The following PNLIPRP3 variants were observed in gnomAD, a reference collection of about 807,000 sequenced individuals.
PNLIPRP3 encodes pancreatic lipase-related protein 3.
In PNLIPRP3, 58 loss-of-function variants were observed where a neutral mutation model predicts 52.8. The observed-to-expected ratio is 1.10, with a 90% CI of 0.89 to 1.37. The LOEUF is 1.37. Among genes scored for constraint, PNLIPRP3 ranks in the 40% most tolerant of loss-of-function variants. PNLIPRP3 has a pLI of 0.00. For synonymous variants in PNLIPRP3, 192 were observed against 185.0 expected (o/e 1.04, Z -0.31); for missense variants, 593 against 561.6 (o/e 1.06, Z -0.57).
intron 1 of PNLIPRP3, among the ~76,000 whole-genome samples, chr10:116,429,147 G>T (rs930265556): frequency 6.9e-4 from 105 of 152,034 alleles, no homozygotes; most frequent in Non-Finnish European, 4.4e-4. Flanking sequence ...GCCACAAGCA[G>T]AATATTTCAC....
intron 4 of PNLIPRP3, 81 bp downstream of exon 4, chr10:116,444,594 T>C: frequency 7.3e-7 from 1 of 1,367,252 alleles, no homozygotes; most frequent in Non-Finnish European, 1.0e-6. Flanking sequence ...ATTTAATGTC[T>C]TTTTTTATTA....
At chr10:116,447,180 A>G (rs1234471267) in intron 4 of PNLIPRP3, among the ~76,000 whole-genome samples, 1 of 152,162 alleles carries the variant, frequency 6.6e-6, no homozygotes, top group Non-Finnish European at 1.5e-5. Flanking sequence ...GGGCTGCCTG[A>G]GAGACTGATT....
chr10:116,459,276 A>G (rs1453254925), intron 5 of PNLIPRP3, among the ~76,000 whole-genome samples: 1 of 142,726 alleles, frequency 7.0e-6, no homozygotes, highest in Non-Finnish European at 1.5e-5. Flanking sequence ...TATTAGTCAG[A>G]AAAATAAAAA....
intron 4 of PNLIPRP3, among the ~76,000 whole-genome samples, chr10:116,448,744 G>A (rs566098910): frequency 2.0e-3 from 296 of 151,506 alleles, no homozygotes; most frequent in Non-Finnish European, 3.5e-3. Flanking sequence ...GGCTGGGTGC[G>A]GTGGCCCACA....
chr10:116,443,802 CATAT>C (rs1200044232), intron 3 of PNLIPRP3, among the ~76,000 whole-genome samples: 584 of 13,016 alleles, frequency 0.045, 9 homozygotes, highest in South Asian at 0.15. Flanking sequence ...TGTGTGTGTG[CATAT>C]ATATATATAT....
chr10:116,462,301 C>A (rs973619540), intron 7 of PNLIPRP3, among the ~76,000 whole-genome samples: 1 of 149,468 alleles, frequency 6.7e-6, no homozygotes, highest in African/African-American at 2.4e-5. Context: ...AAATACATTA[C>A]CCATAATATA....
At chr10:116,454,701 T>A (rs796634803) in intron 4 of PNLIPRP3, among the ~76,000 whole-genome samples, 7 of 152,362 alleles carry the variant, frequency 4.6e-5, no homozygotes, top group African/African-American at 1.7e-4. Context: ...CTTCTTTCAC[T>A]TAGCATGTCT....
chr10:116,442,989 AGG>A, intron 2 of PNLIPRP3, 64 bp from the exon 3 acceptor site: 1 of 1,258,856 alleles, frequency 7.9e-7, no homozygotes, highest in Non-Finnish European at 1.1e-6. Context: ...GCTTTAGAAT[AGG>A]TCTACTAACT....
chr10:116,433,706 G>T (rs1314101767), intron 1 of PNLIPRP3, among the ~76,000 whole-genome samples: 6 of 151,586 alleles, frequency 4.0e-5, no homozygotes, highest in Non-Finnish European at 7.3e-5. Flanking sequence ...CCTTTGCATG[G>T]TTCCACAGTT....
At chr10:116,474,418 G>A (rs550170788) in intron 10 of PNLIPRP3, among the ~76,000 whole-genome samples, 1 of 152,284 alleles carries the variant, frequency 6.6e-6, no homozygotes, top group Non-Finnish European at 1.5e-5. Context: ...GATGCCAAAA[G>A]CAATTGCAAC....
intron 10 of PNLIPRP3, among the ~76,000 whole-genome samples, chr10:116,473,160 T>G (rs1757655976): frequency 6.6e-6 from 1 of 152,246 alleles, no homozygotes; most frequent in Admixed American, 6.5e-5. Context: ...TGCTGTTGCA[T>G]AGTTACCCAA....
Position 116,455,743 on chromosome 10 carries a change from T to G in PNLIPRP3, c.478T>G (p.Ser160Ala), listed in dbSNP as rs770299789. 6.2e-7 allele frequency: 1 copy of G among 1,613,946 alleles called. No individual in the cohort carries two copies. Among genetic ancestry groups the G allele is most frequent in the Admixed American group, 1.7e-5 (1 of 59,988 alleles). The change falls in exon 5 of 12, where the codon TCT (serine) becomes GCT (alanine). Residue 160 changes from serine (S) to alanine (A), a missense_variant. Coordinates refer to ENST00000369230, the MANE Select transcript of PNLIPRP3 (RefSeq NM_001011709.3). ...TCAGAAAAAATTTGAATATTCCCCT[T>G]CTAAAGTGCACTTGATTGGCCACAG... The part of the protein sequence containing the change: ...VLMKKFEYSP[S>A]KVHLIGHSLG...
rs141575589 is a variant in PNLIPRP3 at position 116,437,010 on chromosome 10, A to AT, written c.204+151dup. The AT allele has an allele frequency of 5.5e-3, 4,305 of 789,488 alleles. 147 individuals are homozygous for AT. In the African/African-American group the frequency reaches 0.068, roughly 12 times the overall value. 48.9% of individuals were successfully genotyped at this position (789,488 alleles called of 1,614,324 possible). On this transcript the variant is annotated intron_variant, in intron 2 of 11. Coordinates refer to ENST00000369230, the MANE Select transcript of PNLIPRP3 (RefSeq NM_001011709.3). ...ATTTCTTTTCAGTATTATGAGTCAG[A>AT]TTTTTTCTATGTTATCTGTTCTATA... is the stretch of plus-strand genomic sequence containing the variant.
rs1014573270 is a variant in PNLIPRP3 at position 116,451,260 on chromosome 10, T to TAC, written c.457-4450_457-4449dup. ...AATTTGACCCTTGTCTTACACTATA[T>TAC]ACACACACACACAAATCAATTTGAA... On this transcript the variant is annotated intron_variant, in intron 4 of 11. Transcript: ENST00000369230. 3.9e-5 allele frequency among the ~76,000 whole-genome samples: 6 copies of TAC among 152,088 alleles called. No individual in the cohort carries two copies. In the South Asian group the frequency reaches 6.2e-4, roughly 16 times the overall value.
At chr10:116,468,129 A>G (rs1439564294) in intron 8 of PNLIPRP3, among the ~76,000 whole-genome samples, 2 of 140,020 alleles carry the variant, frequency 1.4e-5, no homozygotes, top group Non-Finnish European at 3.2e-5. Context: ...TGTCTCGCAA[A>G]AAAAAAAAAA....
intron 2 of PNLIPRP3, among the ~76,000 whole-genome samples, chr10:116,438,651 A>T (rs1845812391): frequency 6.6e-6 from 1 of 152,192 alleles, no homozygotes; most frequent in Non-Finnish European, 1.5e-5. Context: ...TAATGGATAG[A>T]AGCCTGATTG....
chr10:116,427,892 GTA>G lies in PNLIPRP3; in HGVS notation c.-120_-119del. 1 of 744,178 alleles carries G rather than the reference GTA, an allele frequency of 1.3e-6. No individual in the cohort carries two copies. Among genetic ancestry groups the G allele is most frequent in the East Asian group, 2.6e-5 (1 of 38,490 alleles). 46.1% of individuals were successfully genotyped at this position (744,178 alleles called of 1,614,324 possible). On this transcript the variant is annotated 5_prime_UTR_variant, in exon 1 of 12. Transcript: ENST00000369230. ...GGTGGAATAACATGTTCTTTTAAAC[GTA>G]GAGTTTAAACATTGAGTTGCATCAT...
At chr10:116,474,751 T>C (rs1488541402) in intron 10 of PNLIPRP3, among the ~76,000 whole-genome samples, 1 of 152,082 alleles carries the variant, frequency 6.6e-6, no homozygotes, top group Non-Finnish European at 1.5e-5. Flanking sequence ...TACAATAAGA[T>C]ACCATCTCAC....
At chr10:116,457,088 C>T (rs1364787117) in intron 5 of PNLIPRP3, among the ~76,000 whole-genome samples, 1 of 152,246 alleles carries the variant, frequency 6.6e-6, no homozygotes, top group African/African-American at 2.4e-5. Flanking sequence ...TGTTGTCCCT[C>T]TTGCTGAGCA....
Sources: allele counts gnomAD v4.1 joint callset (sites outside exome capture counted in the v4.1 genomes callset), GRCh38; gene constraint gnomAD v4.1.1; transcripts MANE v1.5; gene names NCBI Gene and HGNC (gene_info 2026-07-23, HGNC 2026-07-21).